The following MTFR1 variants were observed in gnomAD, a reference collection of about 807,000 sequenced individuals.
The protein encoded by MTFR1 is chondrocyte protein with a poly-proline region.
A neutral mutation model predicts 38.8 loss-of-function variants in MTFR1; 28 were observed. The observed-to-expected ratio is 0.72, with a 90% CI of 0.53 to 0.99. The LOEUF is 0.99. Among genes scored for constraint, MTFR1 ranks in the 50% least tolerant of loss-of-function variants. The pLI is 0.00. For synonymous variants in MTFR1, 145 were observed against 137.0 expected, an observed-to-expected ratio of 1.06 and a Z score of -0.41; for missense variants, 358 against 395.5, an observed-to-expected ratio of 0.91 and a Z score of 0.81.
intron 3 of MTFR1, among the ~76,000 whole-genome samples, chr8:65,747,272 A>G (rs538173422): frequency 1.3e-5 from 2 of 152,308 alleles, no homozygotes; most frequent in Non-Finnish European, 2.9e-5. Flanking sequence ...GGGCGCAAAC[A>G]AGTCCCTCGT....
chr8:65,746,145 G>A (rs1807667053), intron 3 of MTFR1, among the ~76,000 whole-genome samples: 2 of 151,458 alleles, frequency 1.3e-5, no homozygotes, highest in South Asian at 4.2e-4. Flanking sequence ...GCTGCCCAGG[G>A]CTGGTTTCAA....
chr8:65,702,784 G>A (rs1805654074), intron 4 of MTFR1, among the ~76,000 whole-genome samples: 1 of 151,870 alleles, frequency 6.6e-6, no homozygotes, highest in Non-Finnish European at 1.5e-5. Flanking sequence ...GGACCCCAGA[G>A]GTGTATTATA....
At chr8:65,683,120 GTTTC>G (rs1286746740) in intron 3 of MTFR1, among the ~76,000 whole-genome samples, 9 of 138,916 alleles carry the variant, frequency 6.5e-5, no homozygotes, top group South Asian at 2.3e-4. Context: ...TTGTACTTTT[GTTTC>G]TTTCTTTCTT....
At chr8:65,710,606 C>A (rs575174692), downstream of MTFR1, 6 of 152,186 alleles carry the variant, frequency 3.9e-5, no homozygotes, top group Non-Finnish European at 8.8e-5. Flanking sequence ...AGGTAAGATT[C>A]TTTTGCACAC....
At chr8:65,657,571 G>C (rs1809302463) in intron 1 of MTFR1, among the ~76,000 whole-genome samples, 1 of 152,044 alleles carries the variant, frequency 6.6e-6, no homozygotes, top group Admixed American at 6.6e-5. Context: ...AGGCATGGTA[G>C]TGCATGCCTG....
At chr8:65,654,795 C>CT (rs1809211684) in intron 1 of MTFR1, among the ~76,000 whole-genome samples, 1 of 152,090 alleles carries the variant, frequency 6.6e-6, no homozygotes, top group Non-Finnish European at 1.5e-5. Flanking sequence ...CCAGGGTGGT[C>CT]TTGAACTACT....
At chr8:65,748,531 G>A (rs1807791008) in intron 3 of MTFR1, among the ~76,000 whole-genome samples, 1 of 152,118 alleles carries the variant, frequency 6.6e-6, no homozygotes, top group Admixed American at 6.6e-5. Flanking sequence ...TGACAGATCT[G>A]GGGTAAAATC....
chr8:65,708,481 A>T, intron 7 of MTFR1: 1 of 291,346 alleles, frequency 3.4e-6, no homozygotes, highest in East Asian at 9.6e-5. Flanking sequence ...GTGACATTTG[A>T]TGTGGGCCTT....
chr8:65,649,037 C>A (rs1430919657), intron 1 of MTFR1, among the ~76,000 whole-genome samples: 1 of 150,688 alleles, frequency 6.6e-6, no homozygotes, highest in Non-Finnish European at 1.5e-5. Flanking sequence ...GATAAAATAA[C>A]AATATGACAA....
intron 3 of MTFR1, among the ~76,000 whole-genome samples, chr8:65,757,913 A>G (rs1563491689): frequency 1.3e-5 from 2 of 152,214 alleles, no homozygotes; most frequent in African/African-American, 2.4e-5. Context: ...CACCACACCC[A>G]GCCAACTCCA....
intron 1 of MTFR1, among the ~76,000 whole-genome samples, chr8:65,666,263 T>C (rs540215210): frequency 6.6e-6 from 1 of 151,356 alleles, no homozygotes; most frequent in African/African-American, 2.4e-5. Context: ...AATAATTAGC[T>C]GGGTGTGGTG....
chr8:65,703,453 A>ATTTTTTTT (rs1805683363), intron 4 of MTFR1, among the ~76,000 whole-genome samples: 1 of 21,392 alleles, frequency 4.7e-5, no homozygotes, highest in African/African-American at 1.9e-4. Context: ...TTTTTTTTTG[A>ATTTTTTTT]GATGGAGTCT....
intron 1 of MTFR1, among the ~76,000 whole-genome samples, chr8:65,659,438 T>C (rs560388754): frequency 1.6e-3 from 246 of 151,926 alleles, no homozygotes; most frequent in African/African-American, 5.7e-3. Context: ...TTTTTTTTTT[T>C]TTTTTCAATC....
rs533979651 is a variant in MTFR1 at position 65,692,012 on chromosome 8, T to A, written c.166-1632T>A. On this transcript the variant is annotated intron_variant, in intron 3 of 7. Coordinates refer to ENST00000262146, the MANE Select transcript of MTFR1 (RefSeq NM_014637.4). Reference sequence around the variant, plus strand: ...AAGGAAGAGGCATTATTTAAGTATATCTTCCAAAAGTTTGACTTGGCAATG... The same window carrying A: ...AAGGAAGAGGCATTATTTAAGTATAACTTCCAAAAGTTTGACTTGGCAATG... Among the ~76,000 whole-genome samples the A allele has an allele frequency of 2.8e-4, 43 of 152,362 alleles. 1 individual carries two copies. In the South Asian group the frequency reaches 7.7e-3, roughly 27 times the overall value.
intron 3 of MTFR1, among the ~76,000 whole-genome samples, chr8:65,766,419 G>C (rs980862808): frequency 1.1e-4 from 17 of 152,322 alleles, no homozygotes; most frequent in African/African-American, 4.1e-4. Flanking sequence ...TTACTCAAAA[G>C]AGTGAAACTA....
chr8:65,702,129 T>C (rs1435709374), intron 4 of MTFR1, among the ~76,000 whole-genome samples: 1 of 152,098 alleles, frequency 6.6e-6, no homozygotes, highest in Admixed American at 6.6e-5. Context: ...CCCACTAGTT[T>C]TCTAGGTCTG....
intron 1 of MTFR1, among the ~76,000 whole-genome samples, chr8:65,668,185 T>C (rs1293100803): frequency 9.7e-5 from 10 of 103,184 alleles, no homozygotes; most frequent in African/African-American, 3.8e-4. Flanking sequence ...TTTTTTTTTC[T>C]TTTTTTTTTT....
intron 1 of MTFR1, among the ~76,000 whole-genome samples, chr8:65,659,346 A>G (rs181139285): frequency 6.6e-6 from 1 of 152,080 alleles, no homozygotes. Flanking sequence ...CAGCAAGGCA[A>G]TTTACTGCTG....
chr8:65,656,237 C>T (rs541030976), intron 1 of MTFR1, among the ~76,000 whole-genome samples: 2 of 151,682 alleles, frequency 1.3e-5, no homozygotes, highest in African/African-American at 2.4e-5. Context: ...CATTCATCTA[C>T]TGTCCCTGTA....
Sources: gnomAD v4.1 joint callset for allele counts (sites outside exome capture counted in the v4.1 genomes callset) on GRCh38, gnomAD v4.1.1 for gene constraint, MANE v1.5 for transcripts, NCBI Gene and HGNC (gene_info 2026-07-23, HGNC 2026-07-21) for gene names.